The following ARHGAP26 variants were observed in gnomAD, a reference collection of about 807,000 sequenced individuals.
ARHGAP26 encodes the protein rho GTPase-activating protein 26.
Under a neutral mutation model 104.8 loss-of-function variants are expected in ARHGAP26, and 38 were observed. The observed-to-expected ratio is 0.36, with a 90% CI of 0.28 to 0.48. ARHGAP26 has a LOEUF of 0.48. Ranked by LOEUF, ARHGAP26 falls within the 20% of genes least tolerant of loss-of-function variation. ARHGAP26 has a pLI of 0.99. For missense variants in ARHGAP26, 704 were observed against 947.9 expected, an observed-to-expected ratio of 0.74 and a Z score of 3.38; for synonymous variants, 341 against 340.0, an observed-to-expected ratio of 1.00 and a Z score of -0.03.
At chr5:142,892,319 G>T (rs974809996) in intron 5 of ARHGAP26, among the ~76,000 whole-genome samples, 2 of 151,930 alleles carry the variant, frequency 1.3e-5, no homozygotes, top group Non-Finnish European at 2.9e-5. Flanking sequence ...GTGGAGACTG[G>T]TGGTTTCAGG....
intron 11 of ARHGAP26, among the ~76,000 whole-genome samples, chr5:143,012,537 T>TTATATATATATATATATATATATATATA (rs752338630): frequency 5.7e-5 from 1 of 17,646 alleles, no homozygotes; most frequent in African/African-American, 1.8e-4. Context: ...AGGGATATAT[T>TTATATATATATATATATATATATATATA]TATATACATA....
chr5:142,958,529 G>T (rs1206390764), intron 11 of ARHGAP26, among the ~76,000 whole-genome samples: 1 of 152,068 alleles, frequency 6.6e-6, no homozygotes, highest in Non-Finnish European at 1.5e-5. Context: ...TTAGCTGGTT[G>T]TGGTGGCATG....
intron 6 of ARHGAP26, among the ~76,000 whole-genome samples, chr5:142,898,556 T>C (rs1432164612): frequency 6.6e-6 from 1 of 152,232 alleles, no homozygotes; most frequent in African/African-American, 2.4e-5. Context: ...CATTCTGCCT[T>C]GGGCCTCCCC....
intron 11 of ARHGAP26, among the ~76,000 whole-genome samples, chr5:142,970,932 A>G (rs937596127): frequency 6.6e-6 from 1 of 152,228 alleles, no homozygotes; most frequent in African/African-American, 2.4e-5. Context: ...ATCTTTCAGG[A>G]CATAGGATTC....
rs142546098 is a variant in ARHGAP26, at chr5:143,220,887, G to A, written c.2192-1471G>A. Among the ~76,000 whole-genome samples, 177 of 151,806 alleles carry A rather than the reference G, an allele frequency of 1.2e-3. 1 individual carries two copies. The highest frequency in any genetic ancestry group is 3.7e-3 in the African/African-American group (153 of 41,412). On this transcript the variant is annotated intron_variant, in intron 22 of 22. Coordinates refer to ENST00000645722, the MANE Select transcript of ARHGAP26 (RefSeq NM_001135608.3). Reference sequence around the variant, plus strand: ...TGTCTCCTTTGGTTTCTGTTCTTGCGTCTTTCCCTACAAACTGAAACTAGA... The same window carrying A: ...TGTCTCCTTTGGTTTCTGTTCTTGCATCTTTCCCTACAAACTGAAACTAGA...
intron 1 of ARHGAP26, among the ~76,000 whole-genome samples, chr5:142,820,462 A>AAAC (rs1765936471): frequency 6.9e-6 from 1 of 145,476 alleles, no homozygotes; most frequent in Non-Finnish European, 1.5e-5. Context: ...AACAAACAAA[A>AAAC]AAAACCCACC....
At chr5:143,213,096 G>T (rs1396030145) in intron 21 of ARHGAP26, among the ~76,000 whole-genome samples, 4 of 152,170 alleles carry the variant, frequency 2.6e-5, no homozygotes, top group Non-Finnish European at 5.9e-5. Context: ...AGTGAGCCGA[G>T]ATCGCACCAC....
chr5:143,091,603 C>A (rs889772859), intron 17 of ARHGAP26, among the ~76,000 whole-genome samples: 1 of 152,098 alleles, frequency 6.6e-6, no homozygotes. Flanking sequence ...TAAATTTCAC[C>A]TTTATATTAA....
intron 15 of ARHGAP26, 49 bp downstream of exon 15, chr5:143,054,575 A>G (rs767617822): frequency 1.9e-5 from 26 of 1,365,984 alleles, no homozygotes; most frequent in East Asian, 4.6e-5. Context: ...TTATCATGCA[A>G]TCAGGAAGAA....
At chr5:143,105,130 C>T (rs1161109610) in intron 17 of ARHGAP26, among the ~76,000 whole-genome samples, 1 of 152,132 alleles carries the variant, frequency 6.6e-6, no homozygotes, top group Non-Finnish European at 1.5e-5. Flanking sequence ...AATCCCAGCA[C>T]TTTGGGAGGC....
At chr5:142,919,191 A>G (rs1762876749) in intron 10 of ARHGAP26, 1 of 398,474 alleles carries the variant, frequency 2.5e-6, no homozygotes, top group Admixed American at 4.4e-5. Context: ...ATGCGATATT[A>G]CCATTGTCCT....
intron 1 of ARHGAP26, among the ~76,000 whole-genome samples, chr5:142,820,645 T>A (rs749619769): frequency 2.6e-5 from 4 of 152,200 alleles, no homozygotes; most frequent in Non-Finnish European, 5.9e-5. Context: ...GAGCTGGACC[T>A]TGCCCTAGAC....
Position 143,159,664 on chromosome 5 carries a change from G to A in ARHGAP26, c.1988+12283G>A, listed in dbSNP as rs997378118. On this transcript the variant is annotated intron_variant, in intron 20 of 22. Coordinates refer to ENST00000645722, the MANE Select transcript of ARHGAP26 (RefSeq NM_001135608.3). ...GTCTGAGTGGTGGTATGTTTCTGAAGCCTCCCAAGTGATTTTGATATGCAT... is the reference window on the plus strand; with the variant it reads ...GTCTGAGTGGTGGTATGTTTCTGAAACCTCCCAAGTGATTTTGATATGCAT... Among the ~76,000 whole-genome samples, 3 of 152,220 alleles carry A rather than the reference G, an allele frequency of 2.0e-5. No individual in the cohort carries two copies. The South Asian group carries it at 6.2e-4, about 32-fold the overall frequency.
At position 143,023,621 on chromosome 5, in the gene ARHGAP26, T is replaced by C. The variant is rs568418384; in HGVS notation, c.1144+9505T>C. On this transcript the variant is annotated intron_variant, in intron 12 of 22. Transcript: ENST00000645722. ...GCAGCCACCGGTAACCAGGATCCTT[T>C]TGGGATCAGAACCATCCAGAGGCTG... Among the ~76,000 whole-genome samples the C allele has an allele frequency of 7.9e-5, 12 of 152,310 alleles. No homozygotes were observed. The South Asian group carries it at 2.3e-3, about 29-fold the overall frequency.
At chr5:142,872,171 T>C (rs1755414196) in intron 1 of ARHGAP26, among the ~76,000 whole-genome samples, 1 of 150,398 alleles carries the variant, frequency 6.6e-6, no homozygotes, top group Admixed American at 6.6e-5. Context: ...CTGAGCAGGA[T>C]GCACTGCCAG....
chr5:142,848,650 A>G (rs958050342), intron 1 of ARHGAP26, among the ~76,000 whole-genome samples: 1 of 152,194 alleles, frequency 6.6e-6, no homozygotes, highest in African/African-American at 2.4e-5. Context: ...TTTTGCTTAT[A>G]ATGAGTCCTT....
rs541248266 is a variant in ARHGAP26, at chr5:143,081,460, T to G, written c.1538+23713T>G. On this transcript the variant is annotated intron_variant, in intron 17 of 22. Transcript: ENST00000645722. ...TAAGACAATGACCTATGTTTTCCATTGATGTAATTGGAAATGGCACAGTTT... is the reference window on the plus strand; with the variant it reads ...TAAGACAATGACCTATGTTTTCCATGGATGTAATTGGAAATGGCACAGTTT... Among the ~76,000 whole-genome samples the G allele has an allele frequency of 8.5e-5, 13 of 152,340 alleles. No homozygotes were observed. In the East Asian group the frequency reaches 2.3e-3, roughly 27 times the overall value.
intron 1 of ARHGAP26, among the ~76,000 whole-genome samples, chr5:142,861,965 T>C (rs1199702838): frequency 6.6e-6 from 1 of 152,220 alleles, no homozygotes; most frequent in African/African-American, 2.4e-5. Flanking sequence ...GTAGGAACAG[T>C]GCAGGGGTTT....
At chr5:143,150,519 G>A (rs1299467823) in intron 20 of ARHGAP26, among the ~76,000 whole-genome samples, 1 of 152,168 alleles carries the variant, frequency 6.6e-6, no homozygotes, top group African/African-American at 2.4e-5. Context: ...GATGGATGAA[G>A]AGCATTCCAG....
Sources: allele counts gnomAD v4.1 joint callset (sites outside exome capture counted in the v4.1 genomes callset), GRCh38; gene constraint gnomAD v4.1.1; transcripts MANE v1.5; gene names NCBI Gene and HGNC (gene_info 2026-07-23, HGNC 2026-07-21).